LMNTD1: variants seen among roughly 807,000 people sequenced by gnomAD.
The protein encoded by LMNTD1 is lamin tail domain-containing protein 1.
In LMNTD1, 35 loss-of-function variants were observed where a neutral mutation model predicts 50.9. The observed-to-expected ratio is 0.69, with a 90% CI of 0.53 to 0.91. The LOEUF is 0.91. Ranked by LOEUF, LMNTD1 falls within the 40% of genes least tolerant of loss-of-function variation. The pLI is 0.00. For missense variants in LMNTD1, 470 were observed against 475.5 expected, an observed-to-expected ratio of 0.99 and a Z score of 0.11; for synonymous variants, 153 against 161.9, an observed-to-expected ratio of 0.94 and a Z score of 0.42.
At chr12:25,612,915 T>C (rs1946279244) in intron 1 of LMNTD1, among the ~76,000 whole-genome samples, 1 of 152,278 alleles carries the variant, frequency 6.6e-6, no homozygotes, top group Admixed American at 6.5e-5. Flanking sequence ...GGTCCTGTGA[T>C]GTAGTCTCAA....
At position 25,518,924 on chromosome 12, in the gene LMNTD1, A is replaced by G. The variant is rs570932199; in HGVS notation, c.1060T>C (p.Trp354Arg). The change falls in exon 8 of 10, where the codon TGG becomes CGG. Residue 354 changes from tryptophan (W) to arginine (R), a missense_variant. By Grantham distance (101) the Trp-to-Arg change is moderately radical (BLOSUM62 -3). Transcript: ENST00000458174. ...GCAGAGACATAGGGATTCTGGCACC[A>G]AGGGCTGCGATTAGGGAAAACGGTT... ...PPTVFPNRSP[W>R]CQNPYVSAHP... 2.3e-5 allele frequency: 37 copies of G among 1,614,172 alleles called. 1 individual carries two copies. The South Asian group carries it at 3.6e-4, about 16-fold the overall frequency.
intron 9 of LMNTD1, among the ~76,000 whole-genome samples, chr12:25,484,376 G>C (rs1938545327): frequency 6.6e-6 from 1 of 151,928 alleles, no homozygotes; most frequent in African/African-American, 2.4e-5. Flanking sequence ...TGGGATAACA[G>C]GTGTGAGCCA....
At chr12:25,595,451 G>A (rs1945822645) in intron 1 of LMNTD1, among the ~76,000 whole-genome samples, 1 of 152,080 alleles carries the variant, frequency 6.6e-6, no homozygotes, top group African/African-American at 2.4e-5. Flanking sequence ...CAAACACATG[G>A]AAATTAAATA....
chr12:25,576,067 C>T (rs4570681), intron 1 of LMNTD1, among the ~76,000 whole-genome samples: 77,252 of 152,042 alleles, frequency 0.51, 23,510 homozygotes, highest in Non-Finnish European at 0.69. Flanking sequence ...ATATGTGCCA[C>T]ATTTTCTTAA....
chr12:25,552,463 G>A (rs1336452493), intron 2 of LMNTD1, among the ~76,000 whole-genome samples: 1 of 151,546 alleles, frequency 6.6e-6, no homozygotes, highest in Non-Finnish European at 1.5e-5. Context: ...AAAATTAGCC[G>A]GGCGTGGTGG....
At chr12:25,588,491 A>G (rs925317050) in intron 1 of LMNTD1, among the ~76,000 whole-genome samples, 1 of 152,190 alleles carries the variant, frequency 6.6e-6, no homozygotes, top group African/African-American at 2.4e-5. Context: ...GTAAAAGCCA[A>G]AAGTATAAAA....
At chr12:25,618,956 G>A (rs144385525) in intron 1 of LMNTD1, among the ~76,000 whole-genome samples, 3 of 152,064 alleles carry the variant, frequency 2.0e-5, no homozygotes, top group East Asian at 3.8e-4. Context: ...AATGTGAAAC[G>A]ATTTACCGCA....
intron 1 of LMNTD1, among the ~76,000 whole-genome samples, chr12:25,612,456 C>G (rs1051308160): frequency 1.3e-5 from 2 of 152,110 alleles, no homozygotes; most frequent in Non-Finnish European, 2.9e-5. Context: ...TTGATATCTG[C>G]CTAACAAACT....
chr12:25,612,752 C>T (rs1278087349), intron 1 of LMNTD1, among the ~76,000 whole-genome samples: 2 of 152,048 alleles, frequency 1.3e-5, no homozygotes, highest in South Asian at 4.2e-4. Context: ...AGTTTAAAGG[C>T]TACCATATGT....
intron 9 of LMNTD1, among the ~76,000 whole-genome samples, chr12:25,480,735 T>C (rs1432748314): frequency 6.6e-6 from 1 of 152,224 alleles, no homozygotes. Flanking sequence ...CTTGTATTAA[T>C]ATTACTATAT....
chr12:25,485,241 T>G (rs1300342126), intron 9 of LMNTD1, among the ~76,000 whole-genome samples: 16 of 147,510 alleles, frequency 1.1e-4, no homozygotes, highest in African/African-American at 3.0e-4. Context: ...TGATTTGCAT[T>G]TCTCTGATGG....
At chr12:25,648,358 G>GA in intron 1 of LMNTD1, 1 of 681,122 alleles carries the variant, frequency 1.5e-6, no homozygotes, top group Non-Finnish European at 2.6e-6. Flanking sequence ...TCACGTTTAT[G>GA]AAAAAAATTG....
intron 1 of LMNTD1, among the ~76,000 whole-genome samples, chr12:25,599,376 C>T (rs1325431184): frequency 6.6e-6 from 1 of 151,892 alleles, no homozygotes; most frequent in Non-Finnish European, 1.5e-5. Context: ...AATCAAAAAG[C>T]CCTTCCTCTA....
chr12:25,525,258 C>A (rs552656951), intron 6 of LMNTD1, among the ~76,000 whole-genome samples: 4 of 151,894 alleles, frequency 2.6e-5, no homozygotes, highest in South Asian at 4.2e-4. Context: ...TCAAATACTG[C>A]GAACAAATTA....
At chr12:25,494,724 A>G (rs903491844) in intron 9 of LMNTD1, among the ~76,000 whole-genome samples, 12 of 152,152 alleles carry the variant, frequency 7.9e-5, no homozygotes, top group African/African-American at 2.9e-4. Context: ...AATAGTAAAT[A>G]TTTACAGTGT....
chr12:25,614,458 T>C (rs1308710013), intron 1 of LMNTD1, among the ~76,000 whole-genome samples: 1 of 152,194 alleles, frequency 6.6e-6, no homozygotes, highest in African/African-American at 2.4e-5. Flanking sequence ...TCCAGACATC[T>C]TGCAGAGTAG....
intron 8 of LMNTD1, among the ~76,000 whole-genome samples, chr12:25,510,621 G>T (rs1940196003): frequency 1.3e-5 from 2 of 151,516 alleles, no homozygotes; most frequent in Non-Finnish European, 1.5e-5. Flanking sequence ...ATCTTTTTTT[G>T]TTGTTCCTTT....
chr12:25,637,240 G>A (rs137908115), intron 1 of LMNTD1, among the ~76,000 whole-genome samples: 1 of 152,190 alleles, frequency 6.6e-6, no homozygotes, highest in Non-Finnish European at 1.5e-5. Context: ...GGGGAGGTGG[G>A]GAAAGAAAGC....
Position 25,552,966 on chromosome 12 carries a change from TAGAAA to T in LMNTD1, c.-12_-8del, listed in dbSNP as rs781689490. ...TGTCTTGTGTATCTTTCATCTTGGC[TAGAAA>T]AGAAGTCTCTTTTCTTTCCTAGGAA... On this transcript the variant is annotated 5_prime_UTR_variant, in exon 2 of 10. An upstream open reading frame in the 5' UTR loses its in-frame stop. Transcript: ENST00000458174. 6 of 1,598,268 alleles carry T rather than the reference TAGAAA, an allele frequency of 3.8e-6. No individual in the cohort carries two copies. In the East Asian group the frequency reaches 1.4e-4, roughly 36 times the overall value.
Sources: allele counts gnomAD v4.1 joint callset (sites outside exome capture counted in the v4.1 genomes callset), GRCh38; gene constraint gnomAD v4.1.1; transcripts MANE v1.5; gene names NCBI Gene and HGNC (gene_info 2026-07-23, HGNC 2026-07-21).